Variants in UST observed in about 807,000 individuals in gnomAD.
UST encodes the protein chondroitin sulfate 2-O-sulfotransferase.
A neutral mutation model predicts 45.6 loss-of-function variants in UST; 21 were observed. The observed-to-expected ratio is 0.46, with a 90% CI of 0.33 to 0.66. The LOEUF (loss-of-function observed/expected upper bound fraction) is 0.66, where lower values mean the gene tolerates loss of function less well. Among genes scored for constraint, UST ranks in the 30% least tolerant of loss-of-function variants. The pLI, the probability that UST is intolerant of heterozygous loss-of-function variation, is 0.02. For synonymous variants in UST, 215 were observed against 200.6 expected (o/e 1.07, Z -0.61); for missense variants, 463 against 512.4 (o/e 0.90, Z 0.93).
At chr6:148,865,708 GTGT>G (rs1562281723) in intron 1 of UST, among the ~76,000 whole-genome samples, 3 of 132,628 alleles carry the variant, frequency 2.3e-5, no homozygotes, top group Admixed American at 7.2e-5. Flanking sequence ...GTGTGTGTGT[GTGT>G]GTGAATTCAG....
At chr6:148,753,548 T>G (rs1391496300) in intron 1 of UST, among the ~76,000 whole-genome samples, 5 of 152,356 alleles carry the variant, frequency 3.3e-5, no homozygotes, top group African/African-American at 1.2e-4. Flanking sequence ...TGTATGGATA[T>G]TCCACATTTT....
intron 7 of UST, among the ~76,000 whole-genome samples, chr6:149,068,012 C>A (rs1776766659): frequency 6.6e-6 from 1 of 152,148 alleles, no homozygotes; most frequent in East Asian, 1.9e-4. Context: ...GAGTATTGGA[C>A]CCAGAGATGA....
At chr6:148,953,263 G>A (rs1043966101) in intron 3 of UST, among the ~76,000 whole-genome samples, 3 of 152,134 alleles carry the variant, frequency 2.0e-5, no homozygotes, top group East Asian at 1.9e-4. Context: ...TTTAAAGGAA[G>A]GGATAGAAGG....
intron 2 of UST, among the ~76,000 whole-genome samples, chr6:148,901,393 A>G (rs1394816169): frequency 6.6e-6 from 1 of 152,104 alleles, no homozygotes; most frequent in East Asian, 1.9e-4. Context: ...TTGCTTGTAT[A>G]AGAAATAGCT....
At chr6:148,958,366 T>G in intron 4 of UST, among the ~76,000 whole-genome samples, 1 of 152,164 alleles carries the variant, frequency 6.6e-6, no homozygotes, top group Non-Finnish European at 1.5e-5. Context: ...TCAGCAGAGA[T>G]CTCAGGCTTC....
intron 1 of UST, among the ~76,000 whole-genome samples, chr6:148,826,571 A>G (rs1777570949): frequency 6.6e-6 from 1 of 152,210 alleles, no homozygotes; most frequent in South Asian, 2.1e-4. Context: ...CTAGATACCT[A>G]AACTTCATGA....
At chr6:148,986,784 C>T (rs569235464) in intron 5 of UST, among the ~76,000 whole-genome samples, 1 of 152,336 alleles carries the variant, frequency 6.6e-6, no homozygotes, top group African/African-American at 2.4e-5. Flanking sequence ...CTGTATTTTG[C>T]TTTTCCCTGA....
chr6:148,863,610 T>C (rs1778362330), intron 1 of UST, among the ~76,000 whole-genome samples: 2 of 152,216 alleles, frequency 1.3e-5, no homozygotes, highest in African/African-American at 4.8e-5. Flanking sequence ...GCTTTTCTGC[T>C]CTGGTTTCTC....
chr6:148,871,431 T>G (rs1031925236), intron 1 of UST, among the ~76,000 whole-genome samples: 8 of 152,322 alleles, frequency 5.3e-5, no homozygotes, highest in African/African-American at 1.9e-4. Flanking sequence ...CAGTAGTGAC[T>G]GTCCTGCCTC....
chr6:149,022,164 AAGAC>A (rs1775990373), intron 7 of UST, among the ~76,000 whole-genome samples: 1 of 152,230 alleles, frequency 6.6e-6, no homozygotes, highest in African/African-American at 2.4e-5. Context: ...TCCAAAGAGA[AAGAC>A]AAACAACGTT....
At chr6:148,827,137 G>A (rs534816220) in intron 1 of UST, among the ~76,000 whole-genome samples, 1 of 152,332 alleles carries the variant, frequency 6.6e-6, no homozygotes, top group South Asian at 2.1e-4. Flanking sequence ...AGTGCATGTG[G>A]TTTATGTATG....
intron 7 of UST, among the ~76,000 whole-genome samples, chr6:149,054,110 A>G (rs2115037912): frequency 6.6e-6 from 1 of 152,230 alleles, no homozygotes; most frequent in Admixed American, 6.5e-5. Context: ...ACCTCGTGGG[A>G]AAAAAATGGA....
At chr6:149,061,699 C>G (rs1039656391) in intron 7 of UST, among the ~76,000 whole-genome samples, 1 of 152,182 alleles carries the variant, frequency 6.6e-6, no homozygotes, top group Non-Finnish European at 1.5e-5. Context: ...TTTTTCCCTG[C>G]AGCCTTTTCC....
At chr6:148,936,686 C>A (rs949155871) in intron 2 of UST, among the ~76,000 whole-genome samples, 6 of 136,888 alleles carry the variant, frequency 4.4e-5, no homozygotes, top group African/African-American at 1.6e-4. Flanking sequence ...ATCTTATTTT[C>A]TTTTTGTTTA....
chr6:148,937,705 C>T (rs1780049378), intron 2 of UST, among the ~76,000 whole-genome samples: 1 of 152,164 alleles, frequency 6.6e-6, no homozygotes, highest in South Asian at 2.1e-4. Flanking sequence ...TGTGGTAACT[C>T]CCATCTTCTA....
intron 7 of UST, among the ~76,000 whole-genome samples, chr6:149,041,577 C>T (rs931254575): frequency 1.3e-5 from 2 of 152,248 alleles, no homozygotes; most frequent in African/African-American, 4.8e-5. Flanking sequence ...CATGGAGATC[C>T]TTTCCACAGT....
At chr6:148,808,924 T>C (rs1777200450) in intron 1 of UST, among the ~76,000 whole-genome samples, 1 of 152,230 alleles carries the variant, frequency 6.6e-6, no homozygotes, top group Non-Finnish European at 1.5e-5. Context: ...TTGAATCTGC[T>C]GGGCCTTTGA....
intron 2 of UST, among the ~76,000 whole-genome samples, chr6:148,923,158 A>G (rs959328311): frequency 6.6e-6 from 1 of 152,216 alleles, no homozygotes; most frequent in Non-Finnish European, 1.5e-5. Flanking sequence ...GTGACATTGC[A>G]TGGACATACC....
At chr6:149,013,383 G>A (rs780451629) in intron 5 of UST, among the ~76,000 whole-genome samples, 1 of 151,988 alleles carries the variant, frequency 6.6e-6, no homozygotes, top group Non-Finnish European at 1.5e-5. Flanking sequence ...AAAATTAGCC[G>A]GGCATGGTGG....
Sources: gnomAD v4.1 joint callset for allele counts (sites outside exome capture counted in the v4.1 genomes callset) on GRCh38, gnomAD v4.1.1 for gene constraint, MANE v1.5 for transcripts, NCBI Gene and HGNC (gene_info 2026-07-23, HGNC 2026-07-21) for gene names.